PKHD1: variants seen among roughly 807,000 people sequenced by gnomAD.
The protein encoded by PKHD1 is fibrocystin.
In PKHD1, 291 loss-of-function variants were observed where a neutral mutation model predicts 412.0. The ratio of observed to expected loss-of-function variants is 0.71; its 90% confidence interval spans 0.64 to 0.78. PKHD1 has a LOEUF of 0.78. PKHD1 is among the 30% of genes least tolerant of loss of function. The pLI is 0.00. For synonymous variants in PKHD1, 1,777 were observed against 1,821.5 expected, an observed-to-expected ratio of 0.98 and a Z score of 0.62; for missense variants, 4,825 against 4,950.7, an observed-to-expected ratio of 0.97 and a Z score of 0.76.
intron 60 of PKHD1, among the ~76,000 whole-genome samples, chr6:51,668,573 CA>C (rs1397268403): frequency 6.6e-6 from 1 of 152,088 alleles, no homozygotes; most frequent in Non-Finnish European, 1.5e-5. Context: ...CCAGAACTTC[CA>C]ACACTATGTT....
At chr6:51,784,645 T>A (rs1792572624) in intron 53 of PKHD1, among the ~76,000 whole-genome samples, 1 of 152,182 alleles carries the variant, frequency 6.6e-6, no homozygotes, top group Non-Finnish European at 1.5e-5. Context: ...TGGACTCATT[T>A]AGAAAGCAAC....
chr6:51,780,670 T>G (rs751878554), intron 53 of PKHD1, among the ~76,000 whole-genome samples: 1 of 152,058 alleles, frequency 6.6e-6, no homozygotes, highest in Non-Finnish European at 1.5e-5. Context: ...TCCAGTAGAC[T>G]GGATTTATAA....
intron 64 of PKHD1, among the ~76,000 whole-genome samples, chr6:51,635,837 T>C (rs909683709): frequency 1.8e-4 from 21 of 115,542 alleles, no homozygotes; most frequent in African/African-American, 6.6e-4. Context: ...TTTCTCTGGC[T>C]AACTGTATTT....
At chr6:52,045,841 G>A (rs902443287) in intron 24 of PKHD1, among the ~76,000 whole-genome samples, 163 bp downstream of exon 24, 24 of 152,126 alleles carry the variant, frequency 1.6e-4, no homozygotes, top group East Asian at 9.6e-4. Context: ...CAAAATATGT[G>A]TTGAAAACTT....
chr6:51,800,807 C>T (rs1475000998), intron 52 of PKHD1, among the ~76,000 whole-genome samples: 1 of 152,162 alleles, frequency 6.6e-6, no homozygotes, highest in East Asian at 1.9e-4. Context: ...TATTACAACC[C>T]TGCTATTGTC....
Position 51,789,176 on chromosome 6 carries a change from G to C in PKHD1, c.8440+2060C>G, listed in dbSNP as rs541092944. Among the ~76,000 whole-genome samples, 5 of 152,242 alleles carry C rather than the reference G, an allele frequency of 3.3e-5. No homozygotes were observed. The East Asian group carries it at 9.6e-4, about 29-fold the overall frequency. On this transcript the variant is annotated intron_variant, in intron 53 of 66. Coordinates refer to ENST00000371117, the MANE Select transcript of PKHD1 (RefSeq NM_138694.4). ...ATCTCATAACTATGGGAAATGGGGT[G>C]TACAAATTTGTAAAATTTTTCTGAA...
Position 52,010,209 on chromosome 6 carries a change from T to C in PKHD1, c.5751+100A>G, listed in dbSNP as rs1226556787. The C allele has an allele frequency of 3.1e-6, 3 of 979,556 alleles. No homozygotes were observed. In the African/African-American group the frequency reaches 4.8e-5, roughly 16 times the overall value. The allele number at this position is 979,556 out of a possible 1,614,324, so 60.7% of individuals were successfully genotyped here. On this transcript the variant is annotated intron_variant, in intron 35 of 66. Coordinates refer to ENST00000371117, the MANE Select transcript of PKHD1 (RefSeq NM_138694.4). ...AAGTTTGAGCACATTTAATATTATA[T>C]ATCGCTGCCATTTGGACTAAATTGT...
At chr6:51,937,544 C>G (rs915604377) in intron 36 of PKHD1, among the ~76,000 whole-genome samples, 5 of 152,224 alleles carry the variant, frequency 3.3e-5, no homozygotes, top group Non-Finnish European at 5.9e-5. Context: ...TCCCTAACTT[C>G]TCTTCAGCTT....
intron 43 of PKHD1, among the ~76,000 whole-genome samples, chr6:51,891,902 G>A (rs921335121): frequency 1.3e-5 from 2 of 152,158 alleles, no homozygotes; most frequent in African/African-American, 4.8e-5. Flanking sequence ...CAGGGCCAGA[G>A]TTCCCCCTGA....
intron 50 of PKHD1, among the ~76,000 whole-genome samples, chr6:51,847,509 T>G (rs1156299505): frequency 6.6e-6 from 1 of 152,200 alleles, no homozygotes; most frequent in African/African-American, 2.4e-5. Flanking sequence ...TTTAATTTCC[T>G]ATCCTTTGAG....
intron 55 of PKHD1, among the ~76,000 whole-genome samples, chr6:51,764,660 A>G (rs891279731): frequency 1.3e-5 from 2 of 152,038 alleles, no homozygotes; most frequent in African/African-American, 4.8e-5. Context: ...ACTTGGAACC[A>G]ACCCAAATGT....
intron 52 of PKHD1, among the ~76,000 whole-genome samples, chr6:51,802,095 A>T (rs369929777): frequency 6.6e-6 from 1 of 152,126 alleles, no homozygotes; most frequent in East Asian, 1.9e-4. Context: ...CCCAGGCTTT[A>T]TTATTATTGT....
intron 61 of PKHD1, among the ~76,000 whole-genome samples, chr6:51,655,491 C>G (rs1338224830): frequency 1.3e-5 from 2 of 152,116 alleles, no homozygotes; most frequent in Non-Finnish European, 2.9e-5. Flanking sequence ...CACACCCAGA[C>G]ACACACTCCC....
chr6:51,929,190 T>C (rs1455908023), intron 37 of PKHD1, among the ~76,000 whole-genome samples: 4 of 152,106 alleles, frequency 2.6e-5, no homozygotes, highest in African/African-American at 9.7e-5. Flanking sequence ...AAATGGGCTC[T>C]AGAAAGTTTC....
chr6:51,932,434 T>C (rs1436053651), intron 37 of PKHD1, among the ~76,000 whole-genome samples: 1 of 152,210 alleles, frequency 6.6e-6, no homozygotes, highest in Non-Finnish European at 1.5e-5. Flanking sequence ...CTCTCAAATC[T>C]GAGGATTCCT....
chr6:51,625,378 C>T (rs1043043272), intron 66 of PKHD1, among the ~76,000 whole-genome samples: 3 of 152,070 alleles, frequency 2.0e-5, no homozygotes, highest in Non-Finnish European at 4.4e-5. Flanking sequence ...TAATAATTTC[C>T]AAAGAAAAGC....
chr6:51,960,667 A>G (rs2127950939), intron 35 of PKHD1, among the ~76,000 whole-genome samples: 1 of 152,270 alleles, frequency 6.6e-6, no homozygotes, highest in East Asian at 1.9e-4. Flanking sequence ...GGCTGAACAA[A>G]GCCCATGCAG....
intron 49 of PKHD1, among the ~76,000 whole-genome samples, chr6:51,848,527 G>A (rs995407723): frequency 6.6e-6 from 1 of 152,182 alleles, no homozygotes; most frequent in African/African-American, 2.4e-5. Context: ...TCAGTAGCTT[G>A]CCCCATATCA....
At chr6:51,849,552 TTTCA>T (rs1419978050) in intron 49 of PKHD1, among the ~76,000 whole-genome samples, 2 of 152,140 alleles carry the variant, frequency 1.3e-5, no homozygotes, top group African/African-American at 2.4e-5. Flanking sequence ...CCTCACCAGC[TTTCA>T]TTGTTTCCTG....
Sources: gnomAD v4.1 joint callset for allele counts (sites outside exome capture counted in the v4.1 genomes callset) on GRCh38, gnomAD v4.1.1 for gene constraint, MANE v1.5 for transcripts, NCBI Gene and HGNC (gene_info 2026-07-23, HGNC 2026-07-21) for gene names.